Variants in PBX3 observed in about 807,000 individuals in gnomAD.
PBX3 encodes the protein PBX homeobox 3.
PBX3 carries 14 observed loss-of-function variants against 48.5 expected under a neutral mutation model. The observed-to-expected ratio is 0.29, with a 90% confidence interval of 0.19 to 0.45. PBX3 has a LOEUF of 0.45. PBX3 is among the 20% of genes least tolerant of loss of function. The pLI, the probability that PBX3 is intolerant of heterozygous loss-of-function variation, is 1.00. For synonymous variants in PBX3, 210 were observed against 200.3 expected (o/e 1.05, Z -0.41); for missense variants, 386 against 546.7 (o/e 0.71, Z 2.93).
chr9:125,763,329 T>C (rs1836719731), intron 2 of PBX3, among the ~76,000 whole-genome samples: 1 of 152,238 alleles, frequency 6.6e-6, no homozygotes, highest in African/African-American at 2.4e-5. Flanking sequence ...GAGGTTGTGT[T>C]GGGCATTAAG....
intron 2 of PBX3, among the ~76,000 whole-genome samples, chr9:125,851,593 A>G (rs540399693): frequency 6.6e-6 from 1 of 152,282 alleles, no homozygotes; most frequent in East Asian, 1.9e-4. Flanking sequence ...GCTATATATT[A>G]TGAAGCCTGA....
intron 2 of PBX3, among the ~76,000 whole-genome samples, chr9:125,758,482 G>A (rs978588864): frequency 1.3e-5 from 2 of 152,092 alleles, no homozygotes; most frequent in Non-Finnish European, 2.9e-5. Context: ...TCGTTTAGAT[G>A]ACTGATGTTC....
Position 125,789,064 on chromosome 9 carries a change from TTATTTTAA to T in PBX3, c.274+40442_274+40449del, listed in dbSNP as rs1837532809. On this transcript the variant is annotated intron_variant, in intron 2 of 8. Transcript: ENST00000373489. ...TCTATGATTTGCTTTCACTCAACAC[TTATTTTAA>T]GATTTTCAACATTGACACATTTAGT... Among the ~76,000 whole-genome samples the T allele has an allele frequency of 2.0e-5, 3 of 152,324 alleles. No individual in the cohort carries two copies. In the South Asian group the frequency reaches 6.2e-4, roughly 32 times the overall value.
chr9:125,851,916 A>G (rs1466923724), intron 2 of PBX3, among the ~76,000 whole-genome samples: 1 of 68,098 alleles, frequency 1.5e-5, no homozygotes, highest in African/African-American at 6.0e-5. Flanking sequence ...ATTTTATTTT[A>G]TTAGCCTCCC....
At chr9:125,950,084 A>C (rs985164263) in intron 5 of PBX3, among the ~76,000 whole-genome samples, 6 of 151,956 alleles carry the variant, frequency 3.9e-5, no homozygotes, top group Admixed American at 1.3e-4. Context: ...AGAAAAAAAA[A>C]CTCTTAACTG....
At chr9:125,835,574 CA>C (rs1285016608) in intron 2 of PBX3, among the ~76,000 whole-genome samples, 10 of 152,052 alleles carry the variant, frequency 6.6e-5, no homozygotes, top group African/African-American at 2.4e-4. Flanking sequence ...AGACATTTCT[CA>C]AAAGAAGACA....
intron 2 of PBX3, among the ~76,000 whole-genome samples, chr9:125,901,652 C>G (rs9409285): frequency 0.028 from 4,256 of 151,748 alleles, 88 homozygotes; most frequent in Non-Finnish European, 0.044. Context: ...AGTGTGTGTC[C>G]TGTAGTTAAT....
intron 1 of PBX3, 132 bp downstream of exon 1, chr9:125,747,785 C>T (rs1424885427): frequency 1.6e-6 from 1 of 625,882 alleles, no homozygotes; most frequent in Non-Finnish European, 2.5e-6. Flanking sequence ...AAGCCGGCCG[C>T]CCGCCCCGGC....
intron 2 of PBX3, among the ~76,000 whole-genome samples, chr9:125,903,255 C>T (rs1451859115): frequency 6.6e-6 from 1 of 151,754 alleles, no homozygotes; most frequent in Non-Finnish European, 1.5e-5. Context: ...TGTATATACA[C>T]ATGTGATTCA....
intron 2 of PBX3, among the ~76,000 whole-genome samples, chr9:125,780,997 G>A (rs1588140326): frequency 1.9e-5 from 2 of 107,188 alleles, no homozygotes; most frequent in African/African-American, 4.0e-5. Flanking sequence ...CTTCCTAGAT[G>A]GGATGGCGGC....
chr9:125,784,701 T>C (rs1031989181), intron 2 of PBX3, among the ~76,000 whole-genome samples: 1 of 151,884 alleles, frequency 6.6e-6, no homozygotes, highest in Non-Finnish European at 1.5e-5. Flanking sequence ...ATAATTAAAA[T>C]AAAGGAGGAA....
intron 3 of PBX3, among the ~76,000 whole-genome samples, chr9:125,918,245 T>C (rs368200731): frequency 2.0e-5 from 3 of 152,224 alleles, no homozygotes; most frequent in African/African-American, 7.2e-5. Context: ...GTGGAAGTTG[T>C]GTGAAGCTGG....
intron 2 of PBX3, among the ~76,000 whole-genome samples, chr9:125,791,207 T>C (rs977974750): frequency 1.3e-5 from 2 of 152,176 alleles, no homozygotes; most frequent in African/African-American, 4.8e-5. Context: ...TGAGACACCA[T>C]GCCTGGCCAC....
At chr9:125,945,333 A>T (rs1216727807) in intron 5 of PBX3, among the ~76,000 whole-genome samples, 1 of 152,160 alleles carries the variant, frequency 6.6e-6, no homozygotes, top group African/African-American at 2.4e-5. Flanking sequence ...GTAAGTGAAG[A>T]TATAATAGTA....
intron 2 of PBX3, among the ~76,000 whole-genome samples, chr9:125,780,999 G>T (rs1837287814): frequency 1.2e-5 from 1 of 86,710 alleles, no homozygotes; most frequent in Admixed American, 1.2e-4. Context: ...TCCTAGATGG[G>T]ATGGCGGCCG....
intron 3 of PBX3, among the ~76,000 whole-genome samples, chr9:125,920,863 T>C (rs1046802761): frequency 6.6e-6 from 1 of 152,164 alleles, no homozygotes; most frequent in Non-Finnish European, 1.5e-5. Flanking sequence ...GCAGGGGGAA[T>C]GGAGAATGGG....
intron 5 of PBX3, among the ~76,000 whole-genome samples, chr9:125,944,553 G>A (rs752255126): frequency 1.3e-4 from 20 of 152,152 alleles, no homozygotes; most frequent in Non-Finnish European, 2.1e-4. Flanking sequence ...AGGCACAAAT[G>A]GATGCCATGT....
At chr9:125,750,211 C>T (rs1291802806) in intron 2 of PBX3, among the ~76,000 whole-genome samples, 1 of 152,152 alleles carries the variant, frequency 6.6e-6, no homozygotes, top group African/African-American at 2.4e-5. Context: ...GGGGTATTGA[C>T]TATGTTGTGA....
At chr9:125,860,803 C>T (rs949771084) in intron 2 of PBX3, among the ~76,000 whole-genome samples, 2 of 149,290 alleles carry the variant, frequency 1.3e-5, no homozygotes, top group Non-Finnish European at 1.5e-5. Flanking sequence ...AGGAGAATCA[C>T]GTGAACCCAG....
Sources: allele counts gnomAD v4.1 joint callset (sites outside exome capture counted in the v4.1 genomes callset), GRCh38; gene constraint gnomAD v4.1.1; transcripts MANE v1.5; gene names NCBI Gene and HGNC (gene_info 2026-07-23, HGNC 2026-07-21).